GPC3: variants seen among roughly 807,000 people sequenced by gnomAD.
GPC3 encodes glypican 3.
In GPC3, 3 loss-of-function variants were observed where a neutral mutation model predicts 34.4. The ratio of observed to expected loss-of-function variants is 0.09; its 90% CI spans 0.04 to 0.23. The LOEUF (loss-of-function observed/expected upper bound fraction) is 0.23. GPC3 is among the 10% of genes least tolerant of loss of function. The probability of loss-of-function intolerance (pLI) is 1.00; values close to 1 mark genes in which losing one functional copy is unlikely to be tolerated. For missense variants in GPC3, 351 were observed against 445.6 expected, an observed-to-expected ratio of 0.79 and a Z score of 1.91; for synonymous variants, 177 against 174.0, an observed-to-expected ratio of 1.02 and a Z score of -0.13.
chrX:133,750,764 T>C (rs2071658634), intron 3 of GPC3, among the ~76,000 whole-genome samples: 1 of 111,558 alleles, frequency 9.0e-6, no homozygotes, highest in Non-Finnish European at 1.9e-5. Flanking sequence ...CCTCACCTCC[T>C]TTTTTCATGT....
At chrX:133,698,006 G>A (rs746480635) in intron 4 of GPC3, among the ~76,000 whole-genome samples, 3 of 112,338 alleles carry the variant, frequency 2.7e-5, no homozygotes, top group African/African-American at 6.5e-5. Context: ...GGAACTGTGT[G>A]ACTTTCTCAC....
chrX:133,895,621 CAG>C (rs1193215946), intron 2 of GPC3, among the ~76,000 whole-genome samples: 1 of 111,478 alleles, frequency 9.0e-6, no homozygotes, highest in Non-Finnish European at 1.9e-5. Context: ...CCTCAGATAA[CAG>C]GGTCCCAGTT....
chrX:133,661,162 A>G (rs141508294), intron 6 of GPC3, among the ~76,000 whole-genome samples: 6,091 of 111,549 alleles, frequency 0.055, 427 homozygotes, highest in African/African-American at 0.19. Flanking sequence ...GAGCAAGACC[A>G]TGTCTCAAAA....
chrX:133,622,424 T>G (rs1375947240), intron 6 of GPC3, among the ~76,000 whole-genome samples: 1 of 111,702 alleles, frequency 9.0e-6, no homozygotes, highest in Admixed American at 9.5e-5. Context: ...AAAGATTAGA[T>G]GAATGGCTAA....
intron 2 of GPC3, among the ~76,000 whole-genome samples, chrX:133,943,074 T>C (rs1009966488): frequency 3.6e-5 from 4 of 111,980 alleles, no homozygotes; most frequent in African/African-American, 1.3e-4. Flanking sequence ...AGAACAACTA[T>C]AAACAGATAT....
intron 2 of GPC3, among the ~76,000 whole-genome samples, chrX:133,789,713 C>T (rs2072141019): frequency 8.9e-6 from 1 of 112,352 alleles, no homozygotes; most frequent in Non-Finnish European, 1.9e-5. Flanking sequence ...AAAGGAGACA[C>T]ATACAAAAAT....
In GPC3 at chrX:133,538,967, C is replaced by A. The variant is rs190134441; in HGVS notation, c.1574-2674G>T. ...AACTCCTGAGCTCAAGCGATCTGAC[C>A]ACCTCGGCCTCCCAAAATTCTGGAA... is the stretch of plus-strand genomic sequence containing the variant. On this transcript the variant is annotated intron_variant, in intron 7 of 7. Coordinates refer to ENST00000370818, the MANE Select transcript of GPC3 (RefSeq NM_004484.4). Among the ~76,000 whole-genome samples the A allele has an allele frequency of 2.8e-3, 291 of 103,708 alleles. 1 individual carries two copies. Among genetic ancestry groups the A allele is most frequent in the African/African-American group, 9.7e-3 (275 of 28,298 alleles). 90.1% of individuals were successfully genotyped at this position (103,708 alleles called of 115,157 possible).
rs150506525 is a variant in GPC3 at position 133,625,979 on chromosome X, G to A, written c.1414-29380C>T. On this transcript the variant is annotated intron_variant, in intron 6 of 7. Transcript: ENST00000370818. Reference sequence around the variant, plus strand: ...TACCAAAACAGAGATATAGACCAATGGAATAGAACAGAGCCCTTAGAAATA... The same window carrying A: ...TACCAAAACAGAGATATAGACCAATAGAATAGAACAGAGCCCTTAGAAATA... Among the ~76,000 whole-genome samples, 5 of 111,162 alleles carry A rather than the reference G, an allele frequency of 4.5e-5. No homozygotes were observed. In the East Asian group the frequency reaches 1.1e-3, roughly 25 times the overall value.
At chrX:133,662,006 T>C (rs1190853810) in intron 5 of GPC3, among the ~76,000 whole-genome samples, 156 bp from the exon 6 acceptor site, 3 of 109,874 alleles carry the variant, frequency 2.7e-5, no homozygotes, top group African/African-American at 6.6e-5. Context: ...CTATTTACAG[T>C]AAAAAAAAAT....
chrX:133,878,297 GATGCCTGT>G (rs1275283906), intron 2 of GPC3, among the ~76,000 whole-genome samples: 1 of 110,825 alleles, frequency 9.0e-6, no homozygotes, highest in Non-Finnish European at 1.9e-5. Flanking sequence ...CATGGTGGCA[GATGCCTGT>G]AATCCCAACT....
At chrX:133,582,630 GT>G (rs1020134505) in intron 7 of GPC3, among the ~76,000 whole-genome samples, 3 of 111,551 alleles carry the variant, frequency 2.7e-5, no homozygotes, top group Admixed American at 9.6e-5. Context: ...ATTTTATAGG[GT>G]TTTTTTTGGT....
At chrX:133,665,234 A>G (rs2070758659) in intron 5 of GPC3, among the ~76,000 whole-genome samples, 1 of 112,060 alleles carries the variant, frequency 8.9e-6, no homozygotes. Flanking sequence ...ACATTACCAT[A>G]TTTTTGTACA....
Position 133,875,932 on chromosome X carries a change from T to C in GPC3, c.337+77118A>G, listed in dbSNP as rs189055248. ...AGTTAAGCAATAAGAACTTACACTA[T>C]TATCACTATTTGATTTCAGTATAAG... On this transcript the variant is annotated intron_variant, in intron 2 of 7. Coordinates refer to ENST00000370818, the MANE Select transcript of GPC3 (RefSeq NM_004484.4). Among the ~76,000 whole-genome samples the C allele has an allele frequency of 3.1e-3, 342 of 111,889 alleles. 1 individual carries two copies. The highest frequency in any genetic ancestry group is 4.6e-3 in the Middle Eastern group (1 of 217).
chrX:133,710,342 T>C, intron 3 of GPC3, among the ~76,000 whole-genome samples: 1 of 112,055 alleles, frequency 8.9e-6, no homozygotes, highest in Middle Eastern at 4.6e-3. Context: ...TTACTTTCCT[T>C]GAAACTCAGC....
chrX:133,822,182 G>A (rs957598078), intron 2 of GPC3, among the ~76,000 whole-genome samples: 6 of 112,100 alleles, frequency 5.4e-5, no homozygotes, highest in African/African-American at 1.9e-4. Flanking sequence ...CCTGGGATAC[G>A]AATCATTCCT....
intron 6 of GPC3, among the ~76,000 whole-genome samples, chrX:133,629,537 G>A (rs56749214): frequency 0.039 from 4,274 of 108,570 alleles, 212 homozygotes; most frequent in African/African-American, 0.13. Context: ...CTGGGACTAC[G>A]GGCACGCATC....
intron 2 of GPC3, among the ~76,000 whole-genome samples, chrX:133,888,430 T>C (rs1237076489): frequency 8.9e-6 from 1 of 112,009 alleles, no homozygotes; most frequent in Non-Finnish European, 1.9e-5. Flanking sequence ...ATCCTTTGGG[T>C]ATATGCCCAG....
chrX:133,538,707 C>T (rs970730108), intron 7 of GPC3, among the ~76,000 whole-genome samples: 1 of 100,997 alleles, frequency 9.9e-6, no homozygotes, highest in African/African-American at 3.7e-5. Context: ...CTTTCTGTGT[C>T]GCCCAGGCTG....
At chrX:133,907,526 A>T (rs1468150394) in intron 2 of GPC3, among the ~76,000 whole-genome samples, 3 of 111,943 alleles carry the variant, frequency 2.7e-5, no homozygotes, top group African/African-American at 9.7e-5. Context: ...GACTTCATAG[A>T]ATTTTATCTA....
Sources: gnomAD v4.1 joint callset for allele counts (sites outside exome capture counted in the v4.1 genomes callset) on GRCh38, gnomAD v4.1.1 for gene constraint, MANE v1.5 for transcripts, NCBI Gene and HGNC (gene_info 2026-07-23, HGNC 2026-07-21) for gene names.